PPM1M: variants seen among roughly 807,000 people sequenced by gnomAD.
The protein encoded by PPM1M is protein phosphatase, Mg2+/Mn2+ dependent 1M.
Under a neutral mutation model 50.8 loss-of-function variants are expected in PPM1M, and 44 were observed. That is an observed-to-expected ratio of 0.87 (90% CI 0.68 to 1.11). The LOEUF (loss-of-function observed/expected upper bound fraction) is 1.11. Ranked by LOEUF, PPM1M falls within the 50% of genes most tolerant of loss-of-function variation. The pLI, the probability that PPM1M is intolerant of heterozygous loss-of-function variation, is 0.00. For missense variants in PPM1M, 556 were observed against 593.4 expected, an observed-to-expected ratio of 0.94 and a Z score of 0.66; for synonymous variants, 224 against 242.9, an observed-to-expected ratio of 0.92 and a Z score of 0.72.
rs944050807 is a variant in PPM1M, at chr3:52,249,381, T to TC, written c.1235+59_1235+60insC. 6.5e-6 allele frequency: 10 copies of TC among 1,544,736 alleles called. No homozygotes were observed. In the African/African-American group the frequency reaches 1.4e-4, roughly 21 times the overall value. ...GGTTGGTGCCAGCAGCAAGCCCAAG[T>TC]AGTTATGGCTGAGAAGACAGAGCAC... On this transcript the variant is annotated intron_variant, in intron 9 of 9. Transcript: ENST00000323588.
Position 52,249,940 on chromosome 3 carries a change from A to G in PPM1M, c.*126A>G. 3 of 776,106 alleles carry G rather than the reference A, an allele frequency of 3.9e-6. No individual in the cohort carries two copies. Among genetic ancestry groups the G allele is most frequent in the Non-Finnish European group, 6.3e-6 (3 of 478,946 alleles). 48.1% of individuals were successfully genotyped at this position (776,106 alleles called of 1,614,324 possible). A position where few individuals can be genotyped will look rare whatever the true frequency, so the allele number is the denominator to read the frequency against. On this transcript the variant is annotated 3_prime_UTR_variant, in exon 10 of 10. Coordinates refer to ENST00000323588, the MANE Select transcript of PPM1M (RefSeq NM_144641.4). Reference sequence around the variant, plus strand: ...CCACCGCCCAGTGCTCTCACTATCCACCTCAACACACATCCATCTCAAGAG... The same window carrying G: ...CCACCGCCCAGTGCTCTCACTATCCGCCTCAACACACATCCATCTCAAGAG...
chr3:52,248,286 C>T, intron 5 of PPM1M, 49 bp downstream of exon 5: 2 of 1,605,190 alleles, frequency 1.2e-6, no homozygotes, highest in Non-Finnish European at 1.7e-6. Context: ...ACTCCTGGGT[C>T]CAGGGCCATA....
In PPM1M at chr3:52,249,677, A is replaced by G; in HGVS notation, c.1243A>G (p.Lys415Glu). 6.2e-7 allele frequency: 1 copy of G among 1,613,772 alleles called. No individual in the cohort carries two copies. Among genetic ancestry groups the G allele is most frequent in the Non-Finnish European group, 8.5e-7 (1 of 1,179,800 alleles). The change falls in exon 10 of 10, where the codon AAG (lysine) becomes GAG (glutamate). Residue 415 changes from lysine (K) to glutamate (E), a missense_variant. By Grantham distance (56) the Lys-to-Glu change is moderately conservative. Transcript: ENST00000323588. ...GNQEDPHRFS[K>E]LAQMLIHSTQ... ...GCAGGATGGTCTTCACAGGTTCTCA[A>G]AGCTGGCCCAGATGCTGATACACAG...
chr3:52,248,131 C>T, intron 4 of PPM1M, 22 bp from the exon 5 acceptor site: 1 of 1,595,280 alleles, frequency 6.3e-7, no homozygotes, highest in Non-Finnish European at 8.5e-7. Flanking sequence ...TCCTAGACCT[C>T]TCCCTTCTCT....
chr3:52,247,114 C>A lies in PPM1M; in HGVS notation c.483C>A (p.Pro161=), dbSNP rs761909106. The A allele has an allele frequency of 1.7e-5, 28 of 1,605,498 alleles. No individual in the cohort carries two copies. Among genetic ancestry groups the A allele is most frequent in the Non-Finnish European group, 2.0e-5 (24 of 1,176,188 alleles). ...AAGGCTTGGTGGCCACTCAGCCCCC[C>A]ATGCACCTCAATGGCCGCTGCATCT... is the stretch of plus-strand genomic sequence containing the variant. ...VVEGLVATQP[P]MHLNGRCICP... The change falls in exon 3 of 10, where the codon CCC becomes CCA. Residue 161 remains proline (P), a synonymous_variant. Transcript: ENST00000323588.
intron 4 of PPM1M, 133 bp from the exon 5 acceptor site, chr3:52,248,020 G>C (rs2107318132): frequency 2.3e-6 from 2 of 862,742 alleles, no homozygotes; most frequent in South Asian, 3.0e-5. Context: ...GTCTTAGGTA[G>C]TCATGGAGGG....
chr3:52,250,121 A>G lies in PPM1M; in HGVS notation c.*307A>G, dbSNP rs1431290599. On this transcript the variant is annotated 3_prime_UTR_variant, in exon 10 of 10. Coordinates refer to ENST00000323588, the MANE Select transcript of PPM1M (RefSeq NM_144641.4). ...CCTCAGACAGGATCTTGAACAGCCC[A>G]AAGTATCATTCTCAGATAGGGGCAC... 1 of 309,270 alleles carries G rather than the reference A, an allele frequency of 3.2e-6. No individual in the cohort carries two copies. The highest frequency in any genetic ancestry group is 6.3e-6 in the Non-Finnish European group (1 of 159,068). The allele number at this position is 309,270 out of a possible 1,614,324, so 19.2% of individuals were successfully genotyped here.
rs775976959 is a variant in PPM1M, at chr3:52,249,371, C to G, written c.1235+49C>G. ...CCTGGGCCTGGGTTGGTGCCAGCAG[C>G]AAGCCCAAGTAGTTATGGCTGAGAA... On this transcript the variant is annotated intron_variant, in intron 9 of 9. Coordinates refer to ENST00000323588, the MANE Select transcript of PPM1M (RefSeq NM_144641.4). 10 of 1,557,282 alleles carry G rather than the reference C, an allele frequency of 6.4e-6. No homozygotes were observed. The African/African-American group carries it at 1.2e-4, about 19-fold the overall frequency.
At position 52,248,332 on chromosome 3, in the gene PPM1M, C is replaced by T. The variant is rs774563556; in HGVS notation, c.796-3C>T. 1 of 1,610,770 alleles carries T rather than the reference C, an allele frequency of 6.2e-7. No individual in the cohort carries two copies. Among genetic ancestry groups the T allele is most frequent in the Non-Finnish European group, 8.5e-7 (1 of 1,178,468 alleles). ...TGACCTGAGCGCAGCCTCCCCACCCCAGGCCTTTGTCTATCCTGAGCTTCT... is the reference window on the plus strand; with the variant it reads ...TGACCTGAGCGCAGCCTCCCCACCCTAGGCCTTTGTCTATCCTGAGCTTCT... On this transcript the variant is annotated splice_polypyrimidine_tract_variant and splice_region_variant and intron_variant, in intron 5 of 9. Transcript: ENST00000323588.
chr3:52,248,748 C>A (rs777215638), intron 7 of PPM1M, 48 bp downstream of exon 7: 2 of 1,583,948 alleles, frequency 1.3e-6, no homozygotes, highest in African/African-American at 2.7e-5. Context: ...TTCATTGTCC[C>A]CTGCAGAGGT....
chr3:52,246,907 G>T (rs746795861), intron 2 of PPM1M, 67 bp from the exon 3 acceptor site: 1 of 1,519,814 alleles, frequency 6.6e-7, no homozygotes, highest in Non-Finnish European at 8.9e-7. Context: ...CCAGGTCCTA[G>T]TTAGGTTGCG....
At position 52,246,023 on chromosome 3, in the gene PPM1M, C is replaced by T; in HGVS notation, c.199C>T (p.Leu67=). ...GCGCAGCCCCGCACGAGGACGCACG[C>T]TACCCTGGAATGCAGGCTACGCCGA... ...PVRSPARGRT[L]PWNAGYAEII... The change falls in exon 1 of 10, where the codon CTA becomes TTA. Residue 67 remains leucine (L), a synonymous_variant. Transcript: ENST00000323588. 8.2e-7 allele frequency: 1 copy of T among 1,225,288 alleles called. No homozygotes were observed. Among genetic ancestry groups the T allele is most frequent in the Non-Finnish European group, 1.0e-6 (1 of 958,268 alleles). 75.9% of individuals were successfully genotyped at this position (1,225,288 alleles called of 1,614,324 possible). A position where few individuals can be genotyped will look rare whatever the true frequency, so the allele number is the denominator to read the frequency against.
chr3:52,245,905 C>T lies in PPM1M; in HGVS notation c.81C>T (p.Ser27=). Reference sequence around the variant, plus strand: ...CGCGGCCGCCTGGGCCGCATGCCAGCCCCGTGCCCTACCGACGGCCCCGCT... The same window carrying T: ...CGCGGCCGCCTGGGCCGCATGCCAGTCCCGTGCCCTACCGACGGCCCCGCT... ...PAPRPPGPHA[S]PVPYRRPRFL... is the part of the protein sequence containing the mutation. Residue 27 remains serine, a synonymous_variant, in exon 1 of 10, where the codon AGC becomes AGT. Transcript: ENST00000323588. This position sits in a 1 kb window ranked among gnomAD's most constrained non-coding sequence, Gnocchi z 4.8. 2.5e-6 allele frequency: 3 copies of T among 1,220,376 alleles called. No homozygotes were observed. Among genetic ancestry groups the T allele is most frequent in the Non-Finnish European group, 3.1e-6 (3 of 956,250 alleles). 75.6% of individuals were successfully genotyped at this position (1,220,376 alleles called of 1,614,324 possible). A position where few individuals can be genotyped will look rare whatever the true frequency, so the allele number is the denominator to read the frequency against.
At chr3:52,246,266 G>A (rs547078079) in intron 1 of PPM1M, 4 of 1,028,242 alleles carry the variant, frequency 3.9e-6, no homozygotes, top group Admixed American at 5.7e-5. Flanking sequence ...ACAGGAGGTC[G>A]GGAAGGACCT....
chr3:52,248,076 G>A (rs1290584935), intron 4 of PPM1M, 77 bp from the exon 5 acceptor site: 11 of 1,244,228 alleles, frequency 8.8e-6, no homozygotes, highest in Non-Finnish European at 1.3e-5. Context: ...GTGGTTGGAG[G>A]AGGGACTGGT....
intron 1 of PPM1M, 62 bp from the exon 2 acceptor site, chr3:52,246,633 C>A: frequency 9.1e-7 from 1 of 1,104,198 alleles, no homozygotes; most frequent in Non-Finnish European, 1.2e-6. Context: ...TGGCTTGGGT[C>A]CCTGTGCCCA....
At chr3:52,246,864 C>T (rs1191184270) in intron 2 of PPM1M, 52 bp downstream of exon 2, 16 of 1,486,324 alleles carry the variant, frequency 1.1e-5, no homozygotes, top group South Asian at 2.4e-5. Flanking sequence ...GCTGGGGCCA[C>T]GACCTGCAGG....
At chr3:52,247,883 G>A in intron 4 of PPM1M, 89 bp downstream of exon 4, 2 of 871,876 alleles carry the variant, frequency 2.3e-6, no homozygotes, top group Non-Finnish European at 3.7e-6. Flanking sequence ...GAAGTGGAGG[G>A]ATAGTAGGAA....
chr3:52,248,660 C>A lies in PPM1M; in HGVS notation c.938C>A (p.Ser313Ter). 6.2e-7 allele frequency: 1 copy of A among 1,613,840 alleles called. No individual in the cohort carries two copies. Among genetic ancestry groups the A allele is most frequent in the South Asian group, 1.1e-5 (1 of 91,072 alleles). The part of the protein sequence containing the change: ...SGWSYKRVEK[S>*]DLKYPLIHGQ... ...AGGAGCTACAAACGTGTGGAGAAAT[C>A]GGATCTCAAGTACCCACTGATCCAT... Residue 313 changes from serine to a stop codon, truncating the protein, a stop_gained, in exon 7 of 10, where the codon TCG becomes TAG. Transcript: ENST00000323588. LOFTEE classifies it high-confidence loss of function.
Sources: allele counts gnomAD v4.1 joint callset, GRCh38; gene constraint gnomAD v4.1.1; non-coding constraint Gnocchi (gnomAD v3.1); transcripts MANE v1.5; gene names NCBI Gene and HGNC (gene_info 2026-07-23, HGNC 2026-07-21).